The following H2AZ2 variants were observed in gnomAD, a reference collection of about 807,000 sequenced individuals.
H2AZ2 encodes the protein H2A.Z variant histone 2.
Under a neutral mutation model 15.5 loss-of-function variants are expected in H2AZ2, and 5 were observed. That is an observed-to-expected ratio of 0.32 (90% CI 0.17 to 0.68). The LOEUF is 0.68. H2AZ2 is among the 30% of genes least tolerant of loss of function. The pLI is 0.72. For missense variants in H2AZ2, 42 were observed against 162.5 expected (o/e 0.26, Z 4.03); for synonymous variants, 44 against 57.4 (o/e 0.77, Z 1.05).
At chr7:44,835,458 A>C in intron 4 of H2AZ2, 71 bp downstream of exon 4, 1 of 1,272,984 alleles carries the variant, frequency 7.9e-7, no homozygotes, top group Non-Finnish European at 1.1e-6. Flanking sequence ...CAAATATACT[A>C]TATCATTGAT....
intron 3 of H2AZ2, among the ~76,000 whole-genome samples, chr7:44,839,829 C>T (rs1793228293): frequency 6.6e-6 from 1 of 150,838 alleles, no homozygotes; most frequent in African/African-American, 2.4e-5. Context: ...ATGGTGAAAC[C>T]CAGTCTCCTC....
Position 44,838,895 on chromosome 7 carries a change from G to C in H2AZ2, c.195+2004C>G, listed in dbSNP as rs368938988. On this transcript the variant is annotated intron_variant, in intron 3 of 4. Transcript: ENST00000308153. ...AAGACCCTTCTGTTTCCACCAGAATGAATGCGTCTACACTTGACCTACTTG... is the reference window on the plus strand; with the variant it reads ...AAGACCCTTCTGTTTCCACCAGAATCAATGCGTCTACACTTGACCTACTTG... Among the ~76,000 whole-genome samples the C allele has an allele frequency of 2.0e-5, 3 of 152,176 alleles. No individual in the cohort carries two copies. In the South Asian group the frequency reaches 6.2e-4, roughly 32 times the overall value.
downstream of H2AZ2, chr7:44,830,089 G>A (rs1220287915): frequency 1.3e-6 from 2 of 1,568,514 alleles, no homozygotes; most frequent in Non-Finnish European, 1.8e-6. Flanking sequence ...GTAGAATCTT[G>A]TTCCACTAAA....
At chr7:44,841,104 T>C in intron 2 of H2AZ2, 92 bp from the exon 3 acceptor site, 1 of 931,616 alleles carries the variant, frequency 1.1e-6, no homozygotes, top group East Asian at 2.6e-5. Flanking sequence ...CATGAAATAA[T>C]AAAAAACTTG....
At chr7:44,839,364 G>A (rs1279175038) in intron 3 of H2AZ2, among the ~76,000 whole-genome samples, 2 of 152,044 alleles carry the variant, frequency 1.3e-5, no homozygotes, top group Non-Finnish European at 2.9e-5. Flanking sequence ...GTAACATAGG[G>A]AGCCCTGTCT....
intron 3 of H2AZ2, among the ~76,000 whole-genome samples, chr7:44,836,087 A>AGCT (rs1184684866): frequency 6.7e-6 from 1 of 149,402 alleles, no homozygotes; most frequent in Non-Finnish European, 1.5e-5. Context: ...TAGCGTCCTG[A>AGCT]GCTGCTGTGA....
downstream of H2AZ2, among the ~76,000 whole-genome samples, chr7:44,830,768 C>T (rs573407025): frequency 3.2e-4 from 49 of 152,164 alleles, no homozygotes; most frequent in Middle Eastern, 6.8e-3. Context: ...GAGGCTGAGG[C>T]GGGTGGATCA....
At chr7:44,834,934 C>T (rs879801649) in intron 4 of H2AZ2, 23 of 169,016 alleles carry the variant, frequency 1.4e-4, no homozygotes, top group Non-Finnish European at 2.4e-4. Context: ...AGGTGTGCAC[C>T]ACCACGCCCA....
At chr7:44,834,856 C>A in intron 4 of H2AZ2, 1 of 220,450 alleles carries the variant, frequency 4.5e-6, no homozygotes, top group Non-Finnish European at 8.8e-6. Flanking sequence ...GTAATCTTGG[C>A]TCACTGCGAC....
Position 44,848,022 on chromosome 7 carries a change from G to C in H2AZ2, c.-51C>G. The C allele has an allele frequency of 8.3e-7, 1 of 1,199,888 alleles. No homozygotes were observed. Among genetic ancestry groups the C allele is most frequent in the African/African-American group, 1.6e-5 (1 of 62,534 alleles). The allele number at this position is 1,199,888 out of a possible 1,614,324, so 74.3% of individuals were successfully genotyped here. A position where few individuals can be genotyped will look rare whatever the true frequency, so the allele number is the denominator to read the frequency against. ...CTCGGCCGCGCGCCCTCCCGCTGCC[G>C]ACCCGCGCCGCCGCCGCCGCTCTCG... On this transcript the variant is annotated 5_prime_UTR_variant, in exon 1 of 5. Coordinates refer to ENST00000308153, the MANE Select transcript of H2AZ2 (RefSeq NM_012412.5).
chr7:44,844,256 T>C (rs1029503460), intron 1 of H2AZ2, among the ~76,000 whole-genome samples: 1 of 152,244 alleles, frequency 6.6e-6, no homozygotes, highest in Non-Finnish European at 1.5e-5. Flanking sequence ...TATAATGGAA[T>C]AGTATTCAGC....
chr7:44,828,044 T>G (rs927773619), downstream of H2AZ2: 2 of 152,174 alleles, frequency 1.3e-5, no homozygotes, highest in Non-Finnish European at 2.9e-5. Context: ...ACATGGCTAT[T>G]TTTTTCTGTT....
intron 3 of H2AZ2, among the ~76,000 whole-genome samples, chr7:44,837,980 T>C (rs904709713): frequency 2.0e-5 from 3 of 151,992 alleles, no homozygotes; most frequent in Admixed American, 2.0e-4. Context: ...TCTTTTTTTT[T>C]CTTTTTTTTA....
chr7:44,844,649 T>C (rs901002573), intron 1 of H2AZ2, among the ~76,000 whole-genome samples: 1 of 152,192 alleles, frequency 6.6e-6, no homozygotes, highest in African/African-American at 2.4e-5. Flanking sequence ...CCACTGCGCC[T>C]GGCCGAGTTA....
intron 3 of H2AZ2, among the ~76,000 whole-genome samples, chr7:44,838,521 T>C (rs368121898): frequency 6.6e-6 from 1 of 151,910 alleles, no homozygotes; most frequent in Non-Finnish European, 1.5e-5. Context: ...GGTGTGGTGA[T>C]GCACACCGGT....
chr7:44,833,570 C>G lies in H2AZ2; in HGVS notation c.*931G>C, dbSNP rs1793045628. 1.9e-6 allele frequency: 1 copy of G among 519,564 alleles called. No homozygotes were observed. The allele number at this position is 519,564 out of a possible 1,614,324, so 32.2% of individuals were successfully genotyped here. The stretch of plus-strand genomic sequence containing the variant: ...TTTACCATGTTGGCCAGGCTGGTCT[C>G]AAACTCCTGACCTCAAGTGTTCCAC... On this transcript the variant is annotated 3_prime_UTR_variant, in exon 5 of 5. Transcript: ENST00000308153.
At chr7:44,834,863 C>T (rs1291231226) in intron 4 of H2AZ2, 3 of 213,602 alleles carry the variant, frequency 1.4e-5, no homozygotes, top group East Asian at 1.0e-4. Flanking sequence ...TGGCTCACTG[C>T]GACCTCTGTC....
chr7:44,844,710 C>T (rs1284054250), intron 1 of H2AZ2, among the ~76,000 whole-genome samples: 1 of 152,072 alleles, frequency 6.6e-6, no homozygotes, highest in African/African-American at 2.4e-5. Flanking sequence ...GTTCTAGAGG[C>T]AGAAGGCAGT....
chr7:44,835,725 C>A, intron 3 of H2AZ2, 67 bp from the exon 4 acceptor site: 1 of 1,403,826 alleles, frequency 7.1e-7, no homozygotes, highest in Non-Finnish European at 9.6e-7. Context: ...GATCACTTAG[C>A]ATTTGTACAT....
Sources: allele counts gnomAD v4.1 joint callset (sites outside exome capture counted in the v4.1 genomes callset), GRCh38; gene constraint gnomAD v4.1.1; transcripts MANE v1.5; gene names NCBI Gene and HGNC (gene_info 2026-07-23, HGNC 2026-07-21).